KIF6: variants seen among roughly 807,000 people sequenced by gnomAD.
KIF6 encodes the protein kinesin family member 6.
KIF6 carries 106 observed loss-of-function variants against 112.7 expected under a neutral mutation model. The ratio of observed to expected loss-of-function variants is 0.94; its 90% CI spans 0.80 to 1.11. The LOEUF (loss-of-function observed/expected upper bound fraction) is 1.11, where lower values mean the gene tolerates loss of function less well. KIF6 is among the 50% of genes least tolerant of loss of function. KIF6 has a pLI of 0.00. For missense variants in KIF6, 929 were observed against 964.0 expected (o/e 0.96, Z 0.48); for synonymous variants, 339 against 339.9 (o/e 1.00, Z 0.03).
intron 13 of KIF6, among the ~76,000 whole-genome samples, chr6:39,527,195 G>A (rs895092751): frequency 2.0e-5 from 3 of 152,178 alleles, no homozygotes; most frequent in Non-Finnish European, 4.4e-5. Flanking sequence ...CAGCTCCACT[G>A]TTCTCCTTCT....
chr6:39,555,947 C>T (rs1455065670), intron 10 of KIF6, among the ~76,000 whole-genome samples: 1 of 103,608 alleles, frequency 9.7e-6, no homozygotes. Flanking sequence ...GAGTGAGACG[C>T]TGTCTCAAAA....
intron 5 of KIF6, among the ~76,000 whole-genome samples, chr6:39,625,027 TAAG>T (rs1247690647): frequency 1.5e-5 from 2 of 130,922 alleles, no homozygotes; most frequent in Non-Finnish European, 1.6e-5. Flanking sequence ...AGTATCCTTA[TAAG>T]AAGAGCTCTC....
intron 18 of KIF6, among the ~76,000 whole-genome samples, chr6:39,358,312 G>A (rs1764868273): frequency 6.6e-6 from 1 of 152,242 alleles, no homozygotes; most frequent in African/African-American, 2.4e-5. Flanking sequence ...GAGGTTTGGA[G>A]CTTTCTGCCT....
At chr6:39,497,596 C>T (rs934033862) in intron 13 of KIF6, among the ~76,000 whole-genome samples, 1 of 150,060 alleles carries the variant, frequency 6.7e-6, no homozygotes, top group East Asian at 1.9e-4. Context: ...AGAACCCAAA[C>T]CTGGTCCATA....
intron 1 of KIF6, among the ~76,000 whole-genome samples, chr6:39,721,508 C>T (rs1173172380): frequency 2.0e-5 from 3 of 152,170 alleles, no homozygotes; most frequent in Non-Finnish European, 4.4e-5. Context: ...TTCTCTGATT[C>T]TCTTCCTGGT....
chr6:39,629,479 G>A (rs1361810315), intron 5 of KIF6, among the ~76,000 whole-genome samples: 2 of 151,982 alleles, frequency 1.3e-5, no homozygotes, highest in Admixed American at 1.3e-4. Context: ...CAGCGAAGTG[G>A]CTATTCAGAT....
intron 9 of KIF6, among the ~76,000 whole-genome samples, chr6:39,583,665 A>G (rs913156304): frequency 1.1e-5 from 1 of 89,534 alleles, no homozygotes; most frequent in Non-Finnish European, 2.5e-5. Flanking sequence ...TGTTGGTAGG[A>G]TTTCACTTCT....
chr6:39,544,597 T>A lies in KIF6; in HGVS notation c.1384A>T (p.Arg462Ter), dbSNP rs1475180593. Residue 462 changes from arginine (R) to a stop codon, truncating the protein, a stop_gained, in exon 12 of 23, where the codon AGA (arginine) becomes TGA (stop). Transcript: ENST00000287152. LOFTEE classifies it high-confidence loss of function. ...CQEPLKEEEY[R>*]KLRDILKQRD... ...TGTTTCAGAATATCTCGTAGCTTTC[T>A]ATATTCTTCTTCTTTTAATGGTTCT... is the stretch of plus-strand genomic sequence containing the variant. 6 of 1,611,038 alleles carry A rather than the reference T, an allele frequency of 3.7e-6. No homozygotes were observed. Among genetic ancestry groups the A allele is most frequent in the Non-Finnish European group, 5.1e-6 (6 of 1,177,450 alleles).
chr6:39,353,503 A>G (rs895533803), intron 19 of KIF6, among the ~76,000 whole-genome samples: 3 of 152,138 alleles, frequency 2.0e-5, no homozygotes, highest in Non-Finnish European at 4.4e-5. Context: ...TTTTGCAAAT[A>G]TTTTCTCCCA....
intron 13 of KIF6, among the ~76,000 whole-genome samples, chr6:39,487,207 C>T (rs1775168548): frequency 6.6e-6 from 1 of 152,162 alleles, no homozygotes; most frequent in Non-Finnish European, 1.5e-5. Flanking sequence ...TCAACTGAGG[C>T]TGTAAGTCTG....
At chr6:39,339,193 T>G (rs1412733555) in intron 22 of KIF6, among the ~76,000 whole-genome samples, 3 of 152,080 alleles carry the variant, frequency 2.0e-5, no homozygotes, top group African/African-American at 7.2e-5. Context: ...TCACACCTCA[T>G]GGTGTTGGGC....
chr6:39,581,280 G>A (rs1781280389), intron 9 of KIF6, among the ~76,000 whole-genome samples: 1 of 145,176 alleles, frequency 6.9e-6, no homozygotes. Context: ...CGATTTTCCT[G>A]CCTCAGCCTC....
intron 1 of KIF6, 122 bp from the exon 2 acceptor site, chr6:39,720,933 T>C (rs944113618): frequency 2.7e-5 from 16 of 586,412 alleles, no homozygotes; most frequent in Non-Finnish European, 3.0e-6. Flanking sequence ...AGTCATAATA[T>C]CATATAATTT....
chr6:39,369,517 G>C (rs1765809966), intron 16 of KIF6, among the ~76,000 whole-genome samples: 1 of 152,152 alleles, frequency 6.6e-6, no homozygotes, highest in Admixed American at 6.5e-5. Flanking sequence ...GGCCCTGACA[G>C]TCCCCTCATA....
intron 9 of KIF6, among the ~76,000 whole-genome samples, chr6:39,579,989 C>T (rs982994025): frequency 2.0e-5 from 3 of 151,748 alleles, no homozygotes; most frequent in African/African-American, 4.8e-5. Context: ...CTATTCTTGG[C>T]CATTTGCTCT....
At chr6:39,474,976 T>C (rs1774338788) in intron 13 of KIF6, among the ~76,000 whole-genome samples, 1 of 152,260 alleles carries the variant, frequency 6.6e-6, no homozygotes, top group Non-Finnish European at 1.5e-5. Context: ...GATGGTCCTG[T>C]TGCTGAAGGT....
At chr6:39,590,451 A>ATATATATATATATTT (rs1338373703) in intron 7 of KIF6, among the ~76,000 whole-genome samples, 2 of 84,778 alleles carry the variant, frequency 2.4e-5, no homozygotes, top group African/African-American at 1.0e-4. Context: ...ATATATATAT[A>ATATATATATATATTT]TTTTTTTTTT....
At chr6:39,458,568 G>C (rs1165207694) in intron 13 of KIF6, among the ~76,000 whole-genome samples, 1 of 150,232 alleles carries the variant, frequency 6.7e-6, no homozygotes, top group East Asian at 2.0e-4. Flanking sequence ...ATTAGGAAAA[G>C]AGGAAGTCAA....
intron 10 of KIF6, among the ~76,000 whole-genome samples, chr6:39,560,282 TC>T (rs1779942550): frequency 6.6e-6 from 1 of 152,210 alleles, no homozygotes; most frequent in South Asian, 2.1e-4. Context: ...TCTAAATGTT[TC>T]CCCACTAATA....
Sources: gnomAD v4.1 joint callset for allele counts (sites outside exome capture counted in the v4.1 genomes callset) on GRCh38, gnomAD v4.1.1 for gene constraint, MANE v1.5 for transcripts, NCBI Gene and HGNC (gene_info 2026-07-23, HGNC 2026-07-21) for gene names.